CNMD: variants seen among roughly 807,000 people sequenced by gnomAD.
CNMD encodes chondromodulin.
A neutral mutation model predicts 37.5 loss-of-function variants in CNMD; 30 were observed. The ratio of observed to expected loss-of-function variants is 0.80; its 90% CI spans 0.60 to 1.09. The LOEUF (loss-of-function observed/expected upper bound fraction) is 1.09. Ranked by LOEUF, CNMD falls within the 50% of genes least tolerant of loss-of-function variation. The pLI is 0.00. For missense variants in CNMD, 398 were observed against 423.9 expected (o/e 0.94, Z 0.54); for synonymous variants, 167 against 148.2 (o/e 1.13, Z -0.92).
At chr13:52,732,750 A>G (rs1177139814) in intron 3 of CNMD, among the ~76,000 whole-genome samples, 1 of 152,242 alleles carries the variant, frequency 6.6e-6, no homozygotes, top group Non-Finnish European at 1.5e-5. Context: ...ATCACGTTAC[A>G]GAAATCCGCT....
intron 3 of CNMD, 67 bp from the exon 4 acceptor site, chr13:52,724,177 C>T: frequency 8.2e-7 from 1 of 1,212,440 alleles, no homozygotes; most frequent in Non-Finnish European, 1.2e-6. Flanking sequence ...TGAGTGTCTA[C>T]TGTGTTCCAG....
rs1378540729 is a variant in CNMD at position 52,708,718 on chromosome 13, TA to T, written c.623-17del. Reference sequence around the variant, plus strand: ...CTCTGGATTTCTGCAAAAATTTCTGTAAATTAATCCCTTTATTTGAATAATT... The same window carrying T: ...CTCTGGATTTCTGCAAAAATTTCTGTAATTAATCCCTTTATTTGAATAATT... On this transcript the variant is annotated splice_polypyrimidine_tract_variant and intron_variant, in intron 5 of 6. Transcript: ENST00000377962. The T allele has an allele frequency of 5.1e-6, 8 of 1,575,178 alleles. No individual in the cohort carries two copies. In the Admixed American group the frequency reaches 1.3e-4, roughly 26 times the overall value.
In CNMD at chr13:52,712,933, T is replaced by C. The variant is rs1964315187; in HGVS notation, c.469-64A>G. ...GTGAAACAAATTGTATTAAGAGTCA[T>C]GTGTTGCTAAAAGGTTATTTTGCCT... On this transcript the variant is annotated intron_variant, in intron 4 of 6. Transcript: ENST00000377962. The C allele has an allele frequency of 4.6e-6, 6 of 1,295,710 alleles. No individual in the cohort carries two copies. The South Asian group carries it at 5.4e-5, about 12-fold the overall frequency. 80.3% of individuals were successfully genotyped at this position (1,295,710 alleles called of 1,614,324 possible).
chr13:52,709,522 T>G (rs780458203), intron 5 of CNMD, among the ~76,000 whole-genome samples: 20 of 152,168 alleles, frequency 1.3e-4, no homozygotes, highest in Non-Finnish European at 2.4e-4. Context: ...AAAAAGCAAA[T>G]GCTTTTATAT....
At chr13:52,726,749 CA>C (rs1437045007) in intron 3 of CNMD, among the ~76,000 whole-genome samples, 1 of 151,594 alleles carries the variant, frequency 6.6e-6, no homozygotes, top group Admixed American at 6.6e-5. Flanking sequence ...AGATCACAAT[CA>C]AAAACAAATT....
chr13:52,737,475 AAT>A (rs1964789306), intron 2 of CNMD, among the ~76,000 whole-genome samples: 2 of 152,220 alleles, frequency 1.3e-5, no homozygotes, highest in Non-Finnish European at 2.9e-5. Flanking sequence ...AGTAAAGTAA[AAT>A]ATATGAAAAA....
At chr13:52,715,658 C>T (rs549801641) in intron 4 of CNMD, among the ~76,000 whole-genome samples, 82 of 152,252 alleles carry the variant, frequency 5.4e-4, no homozygotes, top group African/African-American at 1.9e-3. Flanking sequence ...CAGCTTCATC[C>T]GTGTCCCTGC....
chr13:52,730,078 T>G (rs1182069973), intron 3 of CNMD, among the ~76,000 whole-genome samples: 1 of 151,784 alleles, frequency 6.6e-6, no homozygotes, highest in East Asian at 1.9e-4. Context: ...CGGTGTTTGC[T>G]TTTTTGTCCT....
At chr13:52,717,128 C>T (rs992161716) in intron 4 of CNMD, among the ~76,000 whole-genome samples, 3 of 152,148 alleles carry the variant, frequency 2.0e-5, no homozygotes, top group Non-Finnish European at 2.9e-5. Flanking sequence ...AGAGTTCCCT[C>T]ATGATTTGGC....
At position 52,739,065 on chromosome 13, in the gene CNMD, C is replaced by T. The variant is rs756656209; in HGVS notation, c.179G>A (p.Gly60Glu). 5.0e-5 allele frequency: 79 copies of T among 1,580,982 alleles called. No individual in the cohort carries two copies. Among genetic ancestry groups the T allele is most frequent in the Middle Eastern group, 1.7e-4 (1 of 5,914 alleles). The part of the protein sequence containing the change: ...GAVLLLFGAI[G>E]AFYFWKGSDS... ...GCTCCCCTTCCAGAAGTAGAAGGCC[C>T]CGATGGCCCCAAAGAGCAGCAGCAC... Residue 60 changes from glycine (G) to glutamate (E), a missense_variant, in exon 2 of 7, where the codon GGG becomes GAG. By Grantham distance (98) the Gly-to-Glu change is moderately conservative. Coordinates refer to ENST00000377962, the MANE Select transcript of CNMD (RefSeq NM_007015.3). The surrounding 1 kb of genome is among the most constrained non-coding windows in gnomAD (Gnocchi z 5.4).
intron 3 of CNMD, among the ~76,000 whole-genome samples, chr13:52,728,844 GT>G (rs1964618271): frequency 6.6e-6 from 1 of 152,170 alleles, no homozygotes; most frequent in African/African-American, 2.4e-5. Flanking sequence ...CCCCCATGGG[GT>G]AGGAAGTGTG....
chr13:52,721,884 A>G (rs1964489597), intron 4 of CNMD, among the ~76,000 whole-genome samples: 1 of 152,192 alleles, frequency 6.6e-6, no homozygotes, highest in Non-Finnish European at 1.5e-5. Flanking sequence ...TTGTTGGGGA[A>G]TTGGTCCTTG....
At chr13:52,729,936 G>A (rs1406735591) in intron 3 of CNMD, among the ~76,000 whole-genome samples, 1 of 151,528 alleles carries the variant, frequency 6.6e-6, no homozygotes, top group Non-Finnish European at 1.5e-5. Flanking sequence ...CCATTAACTC[G>A]TCATTTAGCA....
At chr13:52,704,611 C>T (rs1457811236) in intron 6 of CNMD, among the ~76,000 whole-genome samples, 1 of 152,116 alleles carries the variant, frequency 6.6e-6, no homozygotes, top group East Asian at 1.9e-4. Flanking sequence ...GGTGGAGATT[C>T]TGCATTATTT....
In CNMD at chr13:52,703,846, A is replaced by T. The variant is rs144718745; in HGVS notation, c.790-36T>A. ...AAAGATAATTATTTGTGATAACTGC[A>T]TAGTGGGAAGGTCATAGCATGCATG... On this transcript the variant is annotated intron_variant, in intron 6 of 6. Transcript: ENST00000377962. The T allele has an allele frequency of 9.1e-5, 143 of 1,566,206 alleles. 1 individual carries two copies. In the African/African-American group the frequency reaches 1.8e-3, roughly 19 times the overall value.
In CNMD at chr13:52,712,804, A is replaced by G. The variant is rs1330081962; in HGVS notation, c.534T>C (p.Pro178=). 1.9e-6 allele frequency: 3 copies of G among 1,596,312 alleles called. No individual in the cohort carries two copies. In the South Asian group the frequency reaches 3.5e-5, roughly 18 times the overall value. The change falls in exon 5 of 7, where the codon CCT becomes CCC. Residue 178 remains proline (P), a synonymous_variant. Coordinates refer to ENST00000377962, the MANE Select transcript of CNMD (RefSeq NM_007015.3). The part of the protein sequence containing the change: ...NSLIWVAVDQ[P]VKDNSFLSSK... ...AACTCAAGAAGCTGTTGTCCTTCAC[A>G]GGCTGATCTACAGCCACCCAGATAA...
In CNMD at chr13:52,703,401, C is replaced by T. The variant is rs1964116775; in HGVS notation, c.*194G>A. The T allele has an allele frequency of 2.0e-6, 1 of 492,636 alleles. No homozygotes were observed. Among genetic ancestry groups the T allele is most frequent in the Non-Finnish European group, 3.6e-6 (1 of 275,812 alleles). The allele number at this position is 492,636 out of a possible 1,614,324, so 30.5% of individuals were successfully genotyped here. ...GTTATGGCATTTTAGACTTGAACTACCCTTTCAGTACATTTGCATATACTA... is the reference window on the plus strand; with the variant it reads ...GTTATGGCATTTTAGACTTGAACTATCCTTTCAGTACATTTGCATATACTA... On this transcript the variant is annotated 3_prime_UTR_variant, in exon 7 of 7. Coordinates refer to ENST00000377962, the MANE Select transcript of CNMD (RefSeq NM_007015.3).
In CNMD at chr13:52,739,736, C is replaced by T. The variant is rs758471046; in HGVS notation, c.-35G>A. Reference sequence around the variant, plus strand: ...GGGAGGAGTGAGGCACTTGGAGACTCCCTGGGCACCCTGGGATCTGTCCCG... The same window carrying T: ...GGGAGGAGTGAGGCACTTGGAGACTTCCTGGGCACCCTGGGATCTGTCCCG... On this transcript the variant is annotated 5_prime_UTR_variant, in exon 1 of 7. Transcript: ENST00000377962. This position sits in a 1 kb window ranked among gnomAD's most constrained non-coding sequence, Gnocchi z 5.4. The T allele has an allele frequency of 1.1e-4, 174 of 1,558,992 alleles. No individual in the cohort carries two copies. Among genetic ancestry groups the T allele is most frequent in the Non-Finnish European group, 1.4e-4 (159 of 1,130,686 alleles).
intron 4 of CNMD, among the ~76,000 whole-genome samples, chr13:52,717,155 G>A (rs1388135579): frequency 3.3e-5 from 5 of 152,072 alleles, no homozygotes; most frequent in Non-Finnish European, 7.4e-5. Flanking sequence ...TCTATTATTG[G>A]TGTATAGGAA....
Sources: gnomAD v4.1 joint callset for allele counts (sites outside exome capture counted in the v4.1 genomes callset) on GRCh38, gnomAD v4.1.1 for gene constraint, Gnocchi (gnomAD v3.1) non-coding constraint, MANE v1.5 for transcripts, NCBI Gene and HGNC (gene_info 2026-07-23, HGNC 2026-07-21) for gene names.